Variants in RNF115 observed in about 807,000 individuals in gnomAD.
RNF115 encodes ring finger protein 115.
Under a neutral mutation model 39.2 loss-of-function variants are expected in RNF115, and 31 were observed. The observed-to-expected ratio is 0.79, with a 90% CI of 0.59 to 1.07. The LOEUF (loss-of-function observed/expected upper bound fraction) is 1.07. RNF115 is among the 50% of genes least tolerant of loss of function. The pLI, the probability that RNF115 is intolerant of heterozygous loss-of-function variation, is 0.00. For missense variants in RNF115, 384 were observed against 381.7 expected, an observed-to-expected ratio of 1.01 and a Z score of -0.05; for synonymous variants, 124 against 131.0, an observed-to-expected ratio of 0.95 and a Z score of 0.37.
In RNF115 at chr1:145,806,767, T is replaced by G. The variant is rs587643365; in HGVS notation, c.102+17005A>C. Reference sequence around the variant, plus strand: ...CAGAAGCAGATGCTGGTGCGAAGCTTCTTGTACTGTCTGCAGAGTAATGAG... The same window carrying G: ...CAGAAGCAGATGCTGGTGCGAAGCTGCTTGTACTGTCTGCAGAGTAATGAG... On this transcript the variant is annotated intron_variant, in intron 1 of 8. Coordinates refer to ENST00000582693, the MANE Select transcript of RNF115 (RefSeq NM_014455.4). Among the ~76,000 whole-genome samples, 5 of 152,316 alleles carry G rather than the reference T, an allele frequency of 3.3e-5. No individual in the cohort carries two copies. In the East Asian group the frequency reaches 9.6e-4, roughly 29 times the overall value.
chr1:145,789,266 T>A (rs1158309306), intron 1 of RNF115, among the ~76,000 whole-genome samples: 1 of 151,952 alleles, frequency 6.6e-6, no homozygotes, highest in African/African-American at 2.4e-5. Flanking sequence ...ACATACCTAA[T>A]TTTTTTTATT....
At chr1:145,776,964 A>C (rs587768160) in intron 3 of RNF115, among the ~76,000 whole-genome samples, 1 of 152,308 alleles carries the variant, frequency 6.6e-6, no homozygotes. Flanking sequence ...TCTATTAGAG[A>C]TCACTGGTTT....
chr1:145,771,932 A>G lies in RNF115; in HGVS notation c.220-13T>C, dbSNP rs782535128. 1.9e-6 allele frequency: 3 copies of G among 1,604,964 alleles called. No homozygotes were observed. Among genetic ancestry groups the G allele is most frequent in the Non-Finnish European group, 2.6e-6 (3 of 1,175,304 alleles). ...AATGGCCCCAAAGCTAGTAAAGACC[A>G]GAAATAAGTCACATGTTAGAAAAAT... On this transcript the variant is annotated splice_polypyrimidine_tract_variant and intron_variant, in intron 3 of 8. Transcript: ENST00000582693.
chr1:145,750,814 A>T (rs587682892), intron 6 of RNF115, among the ~76,000 whole-genome samples: 1 of 152,242 alleles, frequency 6.6e-6, no homozygotes, highest in Admixed American at 6.5e-5. Context: ...CTTAATAAAA[A>T]GTAAAATGTA....
chr1:145,793,187 G>C (rs1485774602), intron 1 of RNF115, among the ~76,000 whole-genome samples: 2 of 152,096 alleles, frequency 1.3e-5, no homozygotes, highest in African/African-American at 4.8e-5. Context: ...GTATGGTGGC[G>C]CATGCCTATA....
At chr1:145,791,126 A>T (rs1038766230) in intron 1 of RNF115, among the ~76,000 whole-genome samples, 1 of 149,050 alleles carries the variant, frequency 6.7e-6, no homozygotes, top group African/African-American at 2.5e-5. Context: ...TGGGCGACAG[A>T]TCGAGACTCT....
chr1:145,802,013 C>G lies in RNF115; in HGVS notation c.103-13047G>C, dbSNP rs587689815. Among the ~76,000 whole-genome samples, 3 of 152,250 alleles carry G rather than the reference C, an allele frequency of 2.0e-5. No individual in the cohort carries two copies. The South Asian group carries it at 6.2e-4, about 32-fold the overall frequency. On this transcript the variant is annotated intron_variant, in intron 1 of 8. Coordinates refer to ENST00000582693, the MANE Select transcript of RNF115 (RefSeq NM_014455.4). Reference sequence around the variant, plus strand: ...ATGTTGCCCAAGCTAGTCTCGAACTCCTGAGCTCAAGCAATCCTCTCATGT... The same window carrying G: ...ATGTTGCCCAAGCTAGTCTCGAACTGCTGAGCTCAAGCAATCCTCTCATGT...
In RNF115 at chr1:145,771,928, G is replaced by C; in HGVS notation, c.220-9C>G. ...TCCAAATGGCCCCAAAGCTAGTAAA[G>C]ACCAGAAATAAGTCACATGTTAGAA... On this transcript the variant is annotated splice_polypyrimidine_tract_variant and intron_variant, in intron 3 of 8. Transcript: ENST00000582693. 6.2e-7 allele frequency: 1 copy of C among 1,607,658 alleles called. No individual in the cohort carries two copies. Among genetic ancestry groups the C allele is most frequent in the Non-Finnish European group, 8.5e-7 (1 of 1,177,086 alleles).
chr1:145,774,110 C>T (rs144816905), intron 3 of RNF115, among the ~76,000 whole-genome samples: 1 of 152,238 alleles, frequency 6.6e-6, no homozygotes, highest in African/African-American at 2.4e-5. Context: ...TAAATTCTGA[C>T]TTTTCTGTCA....
chr1:145,811,378 A>G (rs1429124415), intron 1 of RNF115, among the ~76,000 whole-genome samples: 1 of 148,042 alleles, frequency 6.8e-6, no homozygotes, highest in Non-Finnish European at 1.5e-5. Flanking sequence ...AAAAAAAAGA[A>G]AAAAGAAGAA....
rs587660844 is a variant in RNF115 at position 145,766,927 on chromosome 1, C to A, written c.428+4784G>T. On this transcript the variant is annotated intron_variant, in intron 4 of 8. Transcript: ENST00000582693. ...TCACCTCCCGGACGGGGCGGCTGGC[C>A]GGGCGGGGGGCTGACCTGACCCCCC... is the stretch of plus-strand genomic sequence containing the variant. Among the ~76,000 whole-genome samples, 17 of 84,830 alleles carry A rather than the reference C, an allele frequency of 2.0e-4. 1 individual carries two copies. The highest frequency in any genetic ancestry group is 7.3e-4 in the African/African-American group (15 of 20,494). 55.7% of individuals were successfully genotyped at this position (84,830 alleles called of 152,430 possible).
intron 4 of RNF115, among the ~76,000 whole-genome samples, chr1:145,763,980 A>G (rs1214845072): frequency 2.2e-5 from 3 of 136,100 alleles, no homozygotes; most frequent in Non-Finnish European, 4.6e-5. Context: ...GCTGGACTGT[A>G]CTGCTGCCAT....
At chr1:145,752,949 A>T in intron 5 of RNF115, 29 bp downstream of exon 5, 1 of 1,460,624 alleles carries the variant, frequency 6.8e-7, no homozygotes, top group Non-Finnish European at 9.6e-7. Context: ...ACTCCAATAG[A>T]GTAAGATAGA....
chr1:145,764,913 A>G (rs926893607), intron 4 of RNF115, among the ~76,000 whole-genome samples: 3 of 152,158 alleles, frequency 2.0e-5, no homozygotes, highest in Admixed American at 6.5e-5. Context: ...CACCCCGTCT[A>G]GGAGGTGTAC....
chr1:145,809,019 G>C (rs1460934546), intron 1 of RNF115, among the ~76,000 whole-genome samples: 1 of 151,992 alleles, frequency 6.6e-6, no homozygotes, highest in African/African-American at 2.4e-5. Flanking sequence ...TGTAATTATG[G>C]GATGACTCCT....
chr1:145,819,206 C>G (rs1205544117), intron 1 of RNF115, among the ~76,000 whole-genome samples: 2 of 142,344 alleles, frequency 1.4e-5, no homozygotes, highest in African/African-American at 5.1e-5. Context: ...GAGGCAAAGG[C>G]AGGCGGATCG....
chr1:145,785,730 C>T (rs1424832802), intron 2 of RNF115, among the ~76,000 whole-genome samples: 1 of 152,130 alleles, frequency 6.6e-6, no homozygotes, highest in Non-Finnish European at 1.5e-5. Context: ...ACAAACACAC[C>T]CTAGTTAGTC....
At chr1:145,822,742 G>A (rs1212160280) in intron 1 of RNF115, among the ~76,000 whole-genome samples, 15 of 146,050 alleles carry the variant, frequency 1.0e-4, no homozygotes, top group Middle Eastern at 3.5e-3. Flanking sequence ...TGCTGGTGCT[G>A]GCTAGTATGC....
At position 145,750,353 on chromosome 1, in the gene RNF115, G is replaced by A. The variant is rs587729540; in HGVS notation, c.667+54C>T. ...AACTTTTCACCTGTCAGAAGATACC[G>A]GGATTTTGAACCGAGATCAGAAGAT... On this transcript the variant is annotated intron_variant, in intron 7 of 8. Transcript: ENST00000582693. The A allele has an allele frequency of 1.6e-4, 225 of 1,374,418 alleles. 1 individual carries two copies. In the African/African-American group the frequency reaches 2.3e-3, roughly 14 times the overall value. The allele number at this position is 1,374,418 out of a possible 1,614,324, so 85.1% of individuals were successfully genotyped here.
Sources: gnomAD v4.1 joint callset for allele counts (sites outside exome capture counted in the v4.1 genomes callset) on GRCh38, gnomAD v4.1.1 for gene constraint, MANE v1.5 for transcripts, NCBI Gene and HGNC (gene_info 2026-07-23, HGNC 2026-07-21) for gene names.